The following KATNAL1 variants were observed in gnomAD, a reference collection of about 807,000 sequenced individuals.
The protein encoded by KATNAL1 is katanin p60 ATPase-containing subunit A-like 1.
A neutral mutation model predicts 55.2 loss-of-function variants in KATNAL1; 32 were observed. That is an observed-to-expected ratio of 0.58 (90% CI 0.44 to 0.78). The LOEUF (loss-of-function observed/expected upper bound fraction) is 0.78, where lower values mean the gene tolerates loss of function less well. Ranked by LOEUF, KATNAL1 falls within the 30% of genes least tolerant of loss-of-function variation. The pLI is 0.00. For synonymous variants in KATNAL1, 193 were observed against 193.6 expected, an observed-to-expected ratio of 1.00 and a Z score of 0.02; for missense variants, 466 against 600.9, an observed-to-expected ratio of 0.78 and a Z score of 2.35.
At chr13:30,217,992 C>T (rs965268057) in intron 9 of KATNAL1, among the ~76,000 whole-genome samples, 2 of 152,018 alleles carry the variant, frequency 1.3e-5, no homozygotes, top group South Asian at 2.1e-4. Flanking sequence ...TGTCCACATG[C>T]TGTAACGTCG....
chr13:30,265,338 C>T (rs934350673), intron 3 of KATNAL1, among the ~76,000 whole-genome samples: 9 of 151,032 alleles, frequency 6.0e-5, no homozygotes, highest in African/African-American at 2.2e-4. Context: ...CTAACCTGCA[C>T]ATTGTGCACA....
At chr13:30,281,138 G>GAA (rs10673727) in intron 2 of KATNAL1, among the ~76,000 whole-genome samples, 2 of 123,910 alleles carry the variant, frequency 1.6e-5, no homozygotes, top group Non-Finnish European at 3.2e-5. Flanking sequence ...AAAAAAAAAA[G>GAA]AAAAGAAAAG....
At chr13:30,288,001 C>A (rs1316812975) in intron 1 of KATNAL1, among the ~76,000 whole-genome samples, 9 of 152,068 alleles carry the variant, frequency 5.9e-5, no homozygotes, top group African/African-American at 2.2e-4. Flanking sequence ...TAACAGAGTA[C>A]AACTTTCTGT....
intron 6 of KATNAL1, among the ~76,000 whole-genome samples, chr13:30,232,132 T>C (rs1876169933): frequency 6.6e-6 from 1 of 152,178 alleles, no homozygotes. Flanking sequence ...ATAAAAGTAT[T>C]CTATAAAAAG....
intron 1 of KATNAL1, among the ~76,000 whole-genome samples, chr13:30,289,465 T>G (rs1465205313): frequency 6.6e-6 from 1 of 152,226 alleles, no homozygotes; most frequent in African/African-American, 2.4e-5. Flanking sequence ...GCAGCCTGAT[T>G]TTTATTTTCT....
chr13:30,268,203 G>A (rs1260276945), intron 3 of KATNAL1, among the ~76,000 whole-genome samples: 1 of 152,150 alleles, frequency 6.6e-6, no homozygotes, highest in Non-Finnish European at 1.5e-5. Context: ...AAACACAGAT[G>A]TCTCAGGAGT....
intron 3 of KATNAL1, among the ~76,000 whole-genome samples, chr13:30,259,729 C>G (rs578146699): frequency 3.9e-4 from 60 of 152,304 alleles, no homozygotes; most frequent in Admixed American, 2.5e-3. Flanking sequence ...CCTATGCCCA[C>G]GGAGTCTTGC....
At chr13:30,262,038 C>T (rs1365418859) in intron 3 of KATNAL1, among the ~76,000 whole-genome samples, 1 of 152,090 alleles carries the variant, frequency 6.6e-6, no homozygotes, top group African/African-American at 2.4e-5. Flanking sequence ...ACAGTGCAAT[C>T]AAACTAGAAC....
Position 30,241,107 on chromosome 13 carries a change from A to G in KATNAL1, c.493-21T>C, listed in dbSNP as rs375329598. The stretch of plus-strand genomic sequence containing the variant: ...CTTCCCTGGGGATAGGTATAAAAAA[A>G]AAGTACTAGTCAGTAATGGATAATT... On this transcript the variant is annotated intron_variant, in intron 4 of 10. Transcript: ENST00000380615. The G allele has an allele frequency of 4.9e-5, 79 of 1,607,656 alleles. No individual in the cohort carries two copies. In the African/African-American group the frequency reaches 1.0e-3, roughly 20 times the overall value.
At chr13:30,295,163 T>G (rs1049965172) in intron 1 of KATNAL1, among the ~76,000 whole-genome samples, 1 of 152,218 alleles carries the variant, frequency 6.6e-6, no homozygotes, top group Non-Finnish European at 1.5e-5. Flanking sequence ...AGAAATACAT[T>G]TTTTAAGGCT....
At chr13:30,267,734 C>G (rs189221373) in intron 3 of KATNAL1, among the ~76,000 whole-genome samples, 1 of 152,254 alleles carries the variant, frequency 6.6e-6, no homozygotes, top group Non-Finnish European at 1.5e-5. Context: ...ACATACATAG[C>G]TGATCTTACC....
chr13:30,210,214 T>C, intron 10 of KATNAL1, 102 bp downstream of exon 10: 1 of 917,526 alleles, frequency 1.1e-6, no homozygotes, highest in Non-Finnish European at 1.5e-6. Flanking sequence ...GGGTAGCTGC[T>C]TTCATGTCTA....
intron 9 of KATNAL1, among the ~76,000 whole-genome samples, chr13:30,218,130 A>G (rs1410056209): frequency 1.3e-5 from 2 of 151,952 alleles, no homozygotes; most frequent in Admixed American, 1.3e-4. Context: ...AGGTAAGTAG[A>G]AAAATACAAT....
chr13:30,246,649 A>G (rs1279735065), intron 4 of KATNAL1, among the ~76,000 whole-genome samples: 1 of 152,236 alleles, frequency 6.6e-6, no homozygotes, highest in Non-Finnish European at 1.5e-5. Context: ...TCCATCTGAC[A>G]AAGGGCTAAT....
chr13:30,210,941 C>T (rs1873636494), intron 9 of KATNAL1, among the ~76,000 whole-genome samples: 1 of 152,244 alleles, frequency 6.6e-6, no homozygotes, highest in Middle Eastern at 3.4e-3. Context: ...GTAATTGGCA[C>T]AAAAAGCTCA....
intron 1 of KATNAL1, among the ~76,000 whole-genome samples, chr13:30,295,210 T>G (rs549497361): frequency 6.6e-6 from 1 of 152,230 alleles, no homozygotes; most frequent in Admixed American, 6.5e-5. Context: ...TTGATGAAAC[T>G]GGGCAAAGTA....
intron 9 of KATNAL1, among the ~76,000 whole-genome samples, chr13:30,220,208 C>A (rs111656274): frequency 6.6e-6 from 1 of 152,006 alleles, no homozygotes; most frequent in African/African-American, 2.4e-5. Flanking sequence ...TGCTTGTAAT[C>A]CCAACACTTT....
At chr13:30,287,146 C>T (rs895698280) in intron 1 of KATNAL1, among the ~76,000 whole-genome samples, 1 of 151,922 alleles carries the variant, frequency 6.6e-6, no homozygotes, top group Non-Finnish European at 1.5e-5. Flanking sequence ...CTTTGGGGGA[C>T]GGTTGGAAAG....
At chr13:30,235,226 TGCAGGCTGTACGG>T (rs1876537005) in intron 6 of KATNAL1, among the ~76,000 whole-genome samples, 2 of 152,272 alleles carry the variant, frequency 1.3e-5, no homozygotes, top group South Asian at 4.1e-4. Context: ...CTCACAGTTC[TGCAGGCTGTACGG>T]GAAGCATGGT....
Sources: gnomAD v4.1 joint callset for allele counts (sites outside exome capture counted in the v4.1 genomes callset) on GRCh38, gnomAD v4.1.1 for gene constraint, MANE v1.5 for transcripts, NCBI Gene and HGNC (gene_info 2026-07-23, HGNC 2026-07-21) for gene names.